The following SLC24A4 variants were observed in gnomAD, a reference collection of about 807,000 sequenced individuals.
The protein encoded by SLC24A4 is solute carrier family 24 member 4, also known as sodium/potassium/calcium exchanger 4.
A neutral mutation model predicts 79.0 loss-of-function variants in SLC24A4; 53 were observed. The observed-to-expected ratio is 0.67, with a 90% CI of 0.54 to 0.84. The LOEUF (loss-of-function observed/expected upper bound fraction) is 0.84, where lower values mean the gene tolerates loss of function less well. SLC24A4 is among the 40% of genes least tolerant of loss of function. The pLI is 0.00. For synonymous variants in SLC24A4, 323 were observed against 323.8 expected, an observed-to-expected ratio of 1.00 and a Z score of 0.03; for missense variants, 731 against 822.0, an observed-to-expected ratio of 0.89 and a Z score of 1.35.
At chr14:92,373,296 A>C (rs940158812) in intron 2 of SLC24A4, among the ~76,000 whole-genome samples, 11 of 152,038 alleles carry the variant, frequency 7.2e-5, no homozygotes, top group African/African-American at 2.7e-4. Flanking sequence ...CACCCGCCTC[A>C]GCCTCCCAAA....
intron 2 of SLC24A4, among the ~76,000 whole-genome samples, chr14:92,424,846 C>A (rs1212798249): frequency 6.6e-6 from 1 of 152,112 alleles, no homozygotes; most frequent in East Asian, 1.9e-4. Context: ...TATGTCACTG[C>A]ACTCCAGCCT....
chr14:92,403,300 G>T (rs917290634), intron 2 of SLC24A4, among the ~76,000 whole-genome samples: 1 of 152,036 alleles, frequency 6.6e-6, no homozygotes, highest in African/African-American at 2.4e-5. Flanking sequence ...AGTTCAAGAT[G>T]ACAGACTTAA....
In SLC24A4 at chr14:92,416,122, GGTGT is replaced by G. The variant is rs34411259; in HGVS notation, c.242-17763_242-17760del. Among the ~76,000 whole-genome samples the G allele has an allele frequency of 1.4e-3, 210 of 147,980 alleles. 1 individual carries two copies. Among genetic ancestry groups the G allele is most frequent in the South Asian group, 3.2e-3 (15 of 4,680 alleles). ...GGAAAGTGTGTGTATTTGTGTGTGT[GGTGT>G]GTGTGTGTGTGTGTGTGTGTGTGTG... is the stretch of plus-strand genomic sequence containing the variant. On this transcript the variant is annotated intron_variant, in intron 2 of 16. Coordinates refer to ENST00000532405, the MANE Select transcript of SLC24A4 (RefSeq NM_153646.4).
At chr14:92,437,129 C>T (rs929619442) in intron 3 of SLC24A4, among the ~76,000 whole-genome samples, 1 of 152,184 alleles carries the variant, frequency 6.6e-6, no homozygotes, top group East Asian at 1.9e-4. Context: ...AAAGAAATGG[C>T]TTCCCCCAGT....
At chr14:92,399,659 T>G (rs890326261) in intron 2 of SLC24A4, among the ~76,000 whole-genome samples, 33 of 152,220 alleles carry the variant, frequency 2.2e-4, no homozygotes, top group African/African-American at 8.0e-4. Context: ...GGGCTGAACT[T>G]CAGCTGGTTT....
chr14:92,341,403 C>T (rs933814119), intron 2 of SLC24A4, among the ~76,000 whole-genome samples: 41 of 152,264 alleles, frequency 2.7e-4, no homozygotes, highest in African/African-American at 8.9e-4. Context: ...TGGAGAAGCC[C>T]GGTGCCCAGA....
At chr14:92,348,626 T>A (rs552020076) in intron 2 of SLC24A4, among the ~76,000 whole-genome samples, 1 of 152,216 alleles carries the variant, frequency 6.6e-6, no homozygotes. Flanking sequence ...TTACTCTTAC[T>A]CTGTCCATTG....
At chr14:92,354,691 G>T (rs1245380069) in intron 2 of SLC24A4, among the ~76,000 whole-genome samples, 2 of 152,190 alleles carry the variant, frequency 1.3e-5, no homozygotes, top group Non-Finnish European at 2.9e-5. Context: ...CTGGGGTGGG[G>T]CCTGAGATTC....
chr14:92,493,595 C>A lies in SLC24A4; in HGVS notation c.1836C>A (p.Phe612Leu). The change falls in exon 17 of 17, where the codon TTC becomes TTA. Residue 612 changes from phenylalanine (F) to leucine (L), a missense_variant. Coordinates refer to ENST00000532405, the MANE Select transcript of SLC24A4 (RefSeq NM_153646.4). ...TGATAGAGTTTAACGTCTTTACCTT[C>A]GTCAACTTGCCGATGTGCCGGGAAG... ...SIMIEFNVFT[F>L]VNLPMCREDD The A allele has an allele frequency of 6.2e-7, 1 of 1,614,182 alleles. No individual in the cohort carries two copies. The highest frequency in any genetic ancestry group is 1.1e-5 in the South Asian group (1 of 91,072).
chr14:92,485,063 A>G (rs141001075), intron 13 of SLC24A4, among the ~76,000 whole-genome samples: 10 of 151,474 alleles, frequency 6.6e-5, no homozygotes, highest in African/African-American at 2.2e-4. Context: ...CATTTTCACC[A>G]TGAGATGCAG....
At chr14:92,359,655 A>C (rs1171621394) in intron 2 of SLC24A4, among the ~76,000 whole-genome samples, 3 of 152,092 alleles carry the variant, frequency 2.0e-5, no homozygotes, top group African/African-American at 7.2e-5. Context: ...TAAAACATAA[A>C]CGTTAAGTAT....
intron 9 of SLC24A4, among the ~76,000 whole-genome samples, chr14:92,447,970 A>G (rs952341547): frequency 6.6e-6 from 1 of 152,194 alleles, no homozygotes. Context: ...ACTACCCATG[A>G]GGAATACTAT....
rs981967951 is a variant in SLC24A4 at position 92,427,358 on chromosome 14, G to A, written c.242-6554G>A. 2.6e-5 allele frequency among the ~76,000 whole-genome samples: 4 copies of A among 152,272 alleles called. No homozygotes were observed. The South Asian group carries it at 8.3e-4, about 31-fold the overall frequency. On this transcript the variant is annotated intron_variant, in intron 2 of 16. Transcript: ENST00000532405. Reference sequence around the variant, plus strand: ...TGACCAGTGTGGCCAGAGTAGAGTGGGCACCATGGGGAAGGTGGCATGAGT... The same window carrying A: ...TGACCAGTGTGGCCAGAGTAGAGTGAGCACCATGGGGAAGGTGGCATGAGT...
chr14:92,394,060 G>A (rs1279121007), intron 2 of SLC24A4, among the ~76,000 whole-genome samples: 1 of 151,570 alleles, frequency 6.6e-6, no homozygotes, highest in Non-Finnish European at 1.5e-5. Flanking sequence ...GCCCAGGCTG[G>A]TCTTGAACTC....
intron 12 of SLC24A4, among the ~76,000 whole-genome samples, chr14:92,475,124 C>G (rs1309477836): frequency 6.6e-6 from 1 of 151,842 alleles, no homozygotes; most frequent in Non-Finnish European, 1.5e-5. Context: ...TGTTGTCACC[C>G]CCATTTTACA....
chr14:92,458,302 G>C (rs1000758609), intron 12 of SLC24A4, among the ~76,000 whole-genome samples: 1 of 152,222 alleles, frequency 6.6e-6, no homozygotes, highest in African/African-American at 2.4e-5. Context: ...TCACAGAGGA[G>C]CCCAGCCCAG....
At chr14:92,324,669 C>A (rs76581013) in intron 1 of SLC24A4, among the ~76,000 whole-genome samples, 15,499 of 152,274 alleles carry the variant, frequency 0.1, 850 homozygotes, top group African/African-American at 0.12. Context: ...CATGTGTAAC[C>A]TTCAGGAGGC....
rs186591934 is a variant in SLC24A4, at chr14:92,400,167, G to A, written c.242-33745G>A. ...AAAAAATCAGAGTTGGAGGCCGAGC[G>A]TGGTGGCTCACGCCTGTAATCCCAG... On this transcript the variant is annotated intron_variant, in intron 2 of 16. Transcript: ENST00000532405. Among the ~76,000 whole-genome samples the A allele has an allele frequency of 2.7e-3, 408 of 152,290 alleles. 1 individual carries two copies. The highest frequency in any genetic ancestry group is 9.1e-3 in the African/African-American group (377 of 41,570).
rs141494182 is a variant in SLC24A4, at chr14:92,496,815, C to CTT, written c.*3196_*3197dup. The CTT allele has an allele frequency of 9.4e-5, 14 of 149,256 alleles. No homozygotes were observed. Among genetic ancestry groups the CTT allele is most frequent in the African/African-American group, 3.0e-4 (12 of 40,608 alleles). The allele number at this position is 149,256 out of a possible 1,614,324, so 9.2% of individuals were successfully genotyped here. The stretch of plus-strand genomic sequence containing the variant: ...TGCCTGCCTTTATGAATTTTCTTTT[C>CTT]TTTTTTTTTTGAGACAGCGTCTTGC... On this transcript the variant is annotated 3_prime_UTR_variant, in exon 17 of 17. Transcript: ENST00000532405.
Sources: allele counts gnomAD v4.1 joint callset (sites outside exome capture counted in the v4.1 genomes callset), GRCh38; gene constraint gnomAD v4.1.1; transcripts MANE v1.5; gene names NCBI Gene and HGNC (gene_info 2026-07-23, HGNC 2026-07-21).